The following WDR82 variants were observed in gnomAD, a reference collection of about 807,000 sequenced individuals.
The protein encoded by WDR82 is WD repeat domain 82.
A neutral mutation model predicts 36.1 loss-of-function variants in WDR82; 8 were observed. The observed-to-expected ratio is 0.22, with a 90% CI of 0.13 to 0.40. The LOEUF (loss-of-function observed/expected upper bound fraction) is 0.40. WDR82 is among the 10% of genes least tolerant of loss of function. The pLI is 1.00. For synonymous variants in WDR82, 129 were observed against 137.8 expected (o/e 0.94, Z 0.45); for missense variants, 185 against 400.5 (o/e 0.46, Z 4.59).
rs570138181 is a variant in WDR82 at position 52,266,165 on chromosome 3, T to C, written c.326+787A>G. On this transcript the variant is annotated intron_variant, in intron 3 of 8. Coordinates refer to ENST00000296490, the MANE Select transcript of WDR82 (RefSeq NM_025222.4). ...TGATTTTAAAAAAAGGACTTTCTTT[T>C]GCATTCTCATTAAGATCTTTAAATG... is the stretch of plus-strand genomic sequence containing the variant. Among the ~76,000 whole-genome samples the C allele has an allele frequency of 3.9e-5, 6 of 152,272 alleles. No individual in the cohort carries two copies. The South Asian group carries it at 1.2e-3, about 32-fold the overall frequency.
At chr3:52,271,088 G>A (rs971724085) in intron 1 of WDR82, among the ~76,000 whole-genome samples, 2 of 130,270 alleles carry the variant, frequency 1.5e-5, no homozygotes, top group Non-Finnish European at 3.5e-5. Flanking sequence ...ATGTTCAAAA[G>A]CTTTGAGAAA....
At chr3:52,272,282 G>A (rs1042138884) in intron 1 of WDR82, among the ~76,000 whole-genome samples, 11 of 152,038 alleles carry the variant, frequency 7.2e-5, no homozygotes, top group African/African-American at 2.2e-4. Flanking sequence ...GGTGGCTCAC[G>A]CCTGTAATCT....
chr3:52,268,382 G>A (rs528135469), intron 2 of WDR82: 3 of 471,418 alleles, frequency 6.4e-6, no homozygotes, highest in South Asian at 3.1e-5. Context: ...AAAAGGAAAC[G>A]GAGCGCTGGA....
chr3:52,266,690 G>A (rs1413507131), intron 3 of WDR82, among the ~76,000 whole-genome samples: 1 of 152,080 alleles, frequency 6.6e-6, no homozygotes, highest in African/African-American at 2.4e-5. Flanking sequence ...CGCCCGCCGC[G>A]GCCTCCCAAA....
At chr3:52,260,345 C>CA in intron 5 of WDR82, 40 bp downstream of exon 5, 2 of 1,461,054 alleles carry the variant, frequency 1.4e-6, no homozygotes, top group South Asian at 1.3e-5. Context: ...CAAAACAAAA[C>CA]AAAAAACAGC....
chr3:52,278,056 G>T (rs752033752), intron 1 of WDR82, 145 bp downstream of exon 1: 8 of 693,686 alleles, frequency 1.2e-5, no homozygotes, highest in Non-Finnish European at 1.7e-5. Context: ...CTCCTGGACG[G>T]CTGCGGGGTG....
Position 52,278,413 on chromosome 3 carries a change from G to T in WDR82, c.-52C>A. The stretch of plus-strand genomic sequence containing the variant: ...GCGCAGGGCCGGGGCGGGGCCCGGC[G>T]GCGAGCGGGCGGGCTGCCGAGGGGC... On this transcript the variant is annotated 5_prime_UTR_variant, in exon 1 of 9. Coordinates refer to ENST00000296490, the MANE Select transcript of WDR82 (RefSeq NM_025222.4). The T allele has an allele frequency of 8.0e-7, 1 of 1,246,740 alleles. No individual in the cohort carries two copies. The highest frequency in any genetic ancestry group is 2.5e-5 in the South Asian group (1 of 40,282). The allele number at this position is 1,246,740 out of a possible 1,614,324, so 77.2% of individuals were successfully genotyped here.
In WDR82 at chr3:52,257,412, C is replaced by T; in HGVS notation, c.*78G>A. 1 of 1,591,040 alleles carries T rather than the reference C, an allele frequency of 6.3e-7. No individual in the cohort carries two copies. Among genetic ancestry groups the T allele is most frequent in the Non-Finnish European group, 8.6e-7 (1 of 1,159,158 alleles). On this transcript the variant is annotated 3_prime_UTR_variant, in exon 9 of 9. Transcript: ENST00000296490. ...CCAGCCCAGTCAAATGATCCAATCCCACTATTATCTCAGTTCCCTCTGAGT... is the reference window on the plus strand; with the variant it reads ...CCAGCCCAGTCAAATGATCCAATCCTACTATTATCTCAGTTCCCTCTGAGT...
In WDR82 at chr3:52,270,773, C is replaced by T; in HGVS notation, c.198G>A (p.Val66=). Residue 66 remains valine, a synonymous_variant, in exon 2 of 9, where the codon GTG becomes GTA. Transcript: ENST00000296490. ...KRTLYSKKYG[V]DLIRYTHAAN... ...CTGCATGAGTGTATCTGATGAGGTC[C>T]ACACCATATTTCTTACTGTACAGGG... The T allele has an allele frequency of 6.2e-7, 1 of 1,612,902 alleles. No homozygotes were observed. Among genetic ancestry groups the T allele is most frequent in the Non-Finnish European group, 8.5e-7 (1 of 1,179,502 alleles).
At chr3:52,266,160 T>C (rs1700104228) in intron 3 of WDR82, among the ~76,000 whole-genome samples, 1 of 152,124 alleles carries the variant, frequency 6.6e-6, no homozygotes, top group Non-Finnish European at 1.5e-5. Context: ...AAAAGGACTT[T>C]CTTTTGCATT....
At chr3:52,267,344 C>A (rs888773677) in intron 2 of WDR82, 1 of 259,120 alleles carries the variant, frequency 3.9e-6, no homozygotes, top group African/African-American at 2.4e-5. Flanking sequence ...ACAAGTAAAG[C>A]ACACATAATA....
intron 1 of WDR82, among the ~76,000 whole-genome samples, chr3:52,276,635 G>A (rs1419249261): frequency 6.6e-6 from 1 of 152,158 alleles, no homozygotes; most frequent in Non-Finnish European, 1.5e-5. Flanking sequence ...TACATTTCAT[G>A]CAAGCCAGCT....
rs1484583685 is a variant in WDR82 at position 52,278,435 on chromosome 3, G to C, written c.-74C>G. Reference sequence around the variant, plus strand: ...GGCGGCGAGCGGGCGGGCTGCCGAGGGGCCAACCCAGGCGGGGCGGGCGCC... The same window carrying C: ...GGCGGCGAGCGGGCGGGCTGCCGAGCGGCCAACCCAGGCGGGGCGGGCGCC... On this transcript the variant is annotated 5_prime_UTR_variant, in exon 1 of 9. Coordinates refer to ENST00000296490, the MANE Select transcript of WDR82 (RefSeq NM_025222.4). 1.7e-6 allele frequency: 2 copies of C among 1,164,256 alleles called. No homozygotes were observed. Among genetic ancestry groups the C allele is most frequent in the Non-Finnish European group, 2.1e-6 (2 of 942,254 alleles). The allele number at this position is 1,164,256 out of a possible 1,614,324, so 72.1% of individuals were successfully genotyped here.
At chr3:52,272,099 C>T (rs1019609902) in intron 1 of WDR82, among the ~76,000 whole-genome samples, 2 of 151,950 alleles carry the variant, frequency 1.3e-5, no homozygotes, top group African/African-American at 2.4e-5. Context: ...CAATAACAGA[C>T]AAAAAATCAC....
intron 3 of WDR82, among the ~76,000 whole-genome samples, chr3:52,263,299 G>C (rs537186606): frequency 2.0e-4 from 30 of 152,316 alleles, no homozygotes; most frequent in Admixed American, 1.8e-3. Flanking sequence ...ATGACTCCAA[G>C]AGGACCAGAG....
In WDR82 at chr3:52,258,745, C is replaced by T. The variant is rs545278479; in HGVS notation, c.770-67G>A. On this transcript the variant is annotated intron_variant, in intron 7 of 8. Coordinates refer to ENST00000296490, the MANE Select transcript of WDR82 (RefSeq NM_025222.4). The stretch of plus-strand genomic sequence containing the variant: ...AATACAAAGACAACTGGAAATGAGA[C>T]ATGGATTGAGATCTGAGGATACGCC... 1.5e-4 allele frequency: 248 copies of T among 1,605,202 alleles called. 6 individuals carry two copies. The South Asian group carries it at 2.3e-3, about 15-fold the overall frequency.
In WDR82 at chr3:52,254,772, C is replaced by T. The variant is rs1240179964; in HGVS notation, c.*2718G>A. 1 of 152,230 alleles carries T rather than the reference C, an allele frequency of 6.6e-6. No individual in the cohort carries two copies. Among genetic ancestry groups the T allele is most frequent in the Non-Finnish European group, 1.5e-5 (1 of 68,060 alleles). 9.4% of individuals were successfully genotyped at this position (152,230 alleles called of 1,614,324 possible). A position where few individuals can be genotyped will look rare whatever the true frequency, so the allele number is the denominator to read the frequency against. ...CAAACGCCGCTGCCCCACTCCCCAC[C>T]CATCCCCAATAGGGCTTGAGCACCT... is the stretch of plus-strand genomic sequence containing the variant. On this transcript the variant is annotated 3_prime_UTR_variant, in exon 9 of 9. Transcript: ENST00000296490.
intron 7 of WDR82, 150 bp downstream of exon 7, chr3:52,259,047 G>T: frequency 1.1e-6 from 1 of 947,560 alleles, no homozygotes; most frequent in East Asian, 2.5e-5. Flanking sequence ...AGTCAGGGCA[G>T]TTAAAAGACA....
chr3:52,261,450 T>A lies in WDR82; in HGVS notation c.356A>T (p.Asp119Val). Residue 119 changes from aspartate (D) to valine (V), a missense_variant, in exon 4 of 9, where the codon GAT (aspartate) becomes GTT (valine). Around this residue, in one of 3 missense-constraint regions of WDR82, gnomAD observed 26 missense variants for 107.4 expected, o/e 0.24. Coordinates refer to ENST00000296490, the MANE Select transcript of WDR82 (RefSeq NM_025222.4). The stretch of plus-strand genomic sequence containing the variant: ...AAGAGACCCAGAAATGAAAGTGTCA[T>A]CCACAGGTGACATGGACAAGGCCAC... ...RVVALSMSPV[D>V]DTFISGSLDK... is the part of the protein sequence containing the mutation. 1 of 1,613,652 alleles carries A rather than the reference T, an allele frequency of 6.2e-7. No homozygotes were observed. The highest frequency in any genetic ancestry group is 8.5e-7 in the Non-Finnish European group (1 of 1,179,878).
Sources: gnomAD v4.1 joint callset for allele counts (sites outside exome capture counted in the v4.1 genomes callset) on GRCh38, gnomAD v4.1.1 for gene constraint, gnomAD v4.1.1 regional missense constraint, MANE v1.5 for transcripts, NCBI Gene and HGNC (gene_info 2026-07-23, HGNC 2026-07-21) for gene names.